Variants in ANKDD1B observed in about 807,000 individuals in gnomAD.
ANKDD1B encodes the protein ankyrin repeat and death domain-containing protein 1B.
A neutral mutation model predicts 59.7 loss-of-function variants in ANKDD1B; 57 were observed. The ratio of observed to expected loss-of-function variants is 0.95; its 90% confidence interval spans 0.77 to 1.19. ANKDD1B has a LOEUF of 1.19. ANKDD1B is among the 50% of genes most tolerant of loss of function. The pLI, the probability that ANKDD1B is intolerant of heterozygous loss-of-function variation, is 0.00. For missense variants in ANKDD1B, 602 were observed against 641.9 expected (o/e 0.94, Z 0.67); for synonymous variants, 216 against 239.5 (o/e 0.90, Z 0.91).
At chr5:75,618,584 T>A (rs1773770939) in intron 2 of ANKDD1B, among the ~76,000 whole-genome samples, 2 of 152,220 alleles carry the variant, frequency 1.3e-5, no homozygotes, top group South Asian at 4.1e-4. Context: ...ATGGAGATTT[T>A]AAAAATATAA....
intron 7 of ANKDD1B, among the ~76,000 whole-genome samples, chr5:75,636,966 G>A (rs1473352261): frequency 6.6e-6 from 1 of 151,992 alleles, no homozygotes; most frequent in East Asian, 1.9e-4. Flanking sequence ...TGGTTCTGGA[G>A]CCGGGTGCGC....
At chr5:75,635,639 A>T (rs1163507481) in intron 6 of ANKDD1B, 145 bp from the exon 7 acceptor site, 2 of 421,330 alleles carry the variant, frequency 4.7e-6, no homozygotes, top group African/African-American at 4.1e-5. Flanking sequence ...AATTTCACTT[A>T]AAACTGCAGA....
chr5:75,660,605 C>T (rs1037965903), intron 10 of ANKDD1B, among the ~76,000 whole-genome samples: 8 of 152,164 alleles, frequency 5.3e-5, no homozygotes, highest in South Asian at 2.1e-4. Flanking sequence ...GCTAAGCCTC[C>T]GGAGGGTTGT....
intron 5 of ANKDD1B, among the ~76,000 whole-genome samples, chr5:75,630,868 A>G (rs1389129915): frequency 6.6e-6 from 1 of 152,230 alleles, no homozygotes; most frequent in Admixed American, 6.5e-5. Context: ...ATAGTAGGAA[A>G]GATAGCTGTT....
At chr5:75,650,468 G>A (rs181903189) in intron 7 of ANKDD1B, among the ~76,000 whole-genome samples, 149 of 152,296 alleles carry the variant, frequency 9.8e-4, no homozygotes, top group African/African-American at 3.2e-3. Context: ...ATAGGTCTGC[G>A]AACTTCTTTT....
rs763418858 is a variant in ANKDD1B, at chr5:75,624,231, AC to A, written c.397-1415del. Among the ~76,000 whole-genome samples, 6 of 152,230 alleles carry A rather than the reference AC, an allele frequency of 3.9e-5. No individual in the cohort carries two copies. The East Asian group carries it at 9.6e-4, about 24-fold the overall frequency. On this transcript the variant is annotated intron_variant, in intron 3 of 13. Coordinates refer to ENST00000601380, the MANE Select transcript of ANKDD1B (RefSeq NM_001276713.2). ...AAGGAAGCTGAAGCTGAGAGTTAGA[AC>A]TAAGTTCACCAAGATCCCCGTACTT... is the stretch of plus-strand genomic sequence containing the variant.
intron 2 of ANKDD1B, 64 bp downstream of exon 2, chr5:75,616,971 A>G: frequency 4.5e-6 from 3 of 665,162 alleles, no homozygotes; most frequent in South Asian, 4.4e-5. Context: ...TACACAGGAC[A>G]TCTGAAATAA....
intron 7 of ANKDD1B, among the ~76,000 whole-genome samples, chr5:75,648,261 AAAAATT>A (rs1342535725): frequency 9.7e-5 from 1 of 10,262 alleles, no homozygotes; most frequent in African/African-American, 1.9e-4. Context: ...ATTAAAAAAA[AAAAATT>A]AAAAAAAAAA....
intron 3 of ANKDD1B, 53 bp from the exon 4 acceptor site, chr5:75,625,594 T>A (rs1773969380): frequency 1.3e-5 from 18 of 1,416,926 alleles, no homozygotes; most frequent in Non-Finnish European, 1.7e-5. Flanking sequence ...AGGCAGTATA[T>A]GGCTGCAGCT....
Position 75,627,057 on chromosome 5 carries a change from A to G in ANKDD1B, c.600+1102A>G, listed in dbSNP as rs529911334. ...AGAAGTATTTCTTCAAATTAGGTCTATAAACTTCTTTGACTTCCTCTACAT... is the reference window on the plus strand; with the variant it reads ...AGAAGTATTTCTTCAAATTAGGTCTGTAAACTTCTTTGACTTCCTCTACAT... On this transcript the variant is annotated intron_variant, in intron 5 of 13. Transcript: ENST00000601380. Among the ~76,000 whole-genome samples, 7 of 152,324 alleles carry G rather than the reference A, an allele frequency of 4.6e-5. No homozygotes were observed. In the South Asian group the frequency reaches 8.3e-4, roughly 18 times the overall value.
chr5:75,612,323 C>CGCCCTCCG (rs1205767288), intron 1 of ANKDD1B, among the ~76,000 whole-genome samples: 1 of 89,958 alleles, frequency 1.1e-5, no homozygotes, highest in Non-Finnish European at 2.5e-5. Context: ...CCCCCGCCCC[C>CGCCCTCCG]CCCCGCCCTC....
intron 1 of ANKDD1B, 22 bp from the exon 2 acceptor site, chr5:75,616,782 T>C: frequency 7.9e-7 from 1 of 1,258,268 alleles, no homozygotes; most frequent in Non-Finnish European, 1.1e-6. Context: ...CCCTCAGTCA[T>C]GCTTGCTTTG....
Position 75,635,885 on chromosome 5 carries a change from A to G in ANKDD1B, c.798+3A>G. 1.3e-6 allele frequency: 2 copies of G among 1,513,630 alleles called. No individual in the cohort carries two copies. Among genetic ancestry groups the G allele is most frequent in the Non-Finnish European group, 1.8e-6 (2 of 1,127,908 alleles). 93.8% of individuals were successfully genotyped at this position (1,513,630 alleles called of 1,614,324 possible). A position where few individuals can be genotyped will look rare whatever the true frequency, so the allele number is the denominator to read the frequency against. ...AAGACATAAATGAGATGAATGAGGT[A>G]TGTGGAAGTGCTCGTTATTGCCATA... On this transcript the variant is annotated splice_donor_region_variant and intron_variant, in intron 7 of 13. Coordinates refer to ENST00000601380, the MANE Select transcript of ANKDD1B (RefSeq NM_001276713.2).
intron 10 of ANKDD1B, among the ~76,000 whole-genome samples, chr5:75,661,415 A>AAAAAAAAAAAAG (rs1561450258): frequency 1.2e-4 from 17 of 138,406 alleles, no homozygotes; most frequent in East Asian, 8.2e-4. Context: ...AAAAAAAAAA[A>AAAAAAAAAAAAG]AAAAAAAAAA....
chr5:75,635,803 A>G lies in ANKDD1B; in HGVS notation c.719A>G (p.His240Arg). 2.6e-6 allele frequency: 4 copies of G among 1,533,132 alleles called. No individual in the cohort carries two copies. Among genetic ancestry groups the G allele is most frequent in the Non-Finnish European group, 3.5e-6 (4 of 1,144,634 alleles). 95.0% of individuals were successfully genotyped at this position (1,533,132 alleles called of 1,614,324 possible). The change falls in exon 7 of 14, where the codon CAC becomes CGC. Residue 240 changes from histidine (H) to arginine (R), a missense_variant. Transcript: ENST00000601380. ...EKDKGGNTAL[H>R]LAAKHGHSPA... ...TTGCAGGGGGGAAACACTGCCTTGCACCTCGCTGCGAAGCATGGTCACAGT... is the reference window on the plus strand; with the variant it reads ...TTGCAGGGGGGAAACACTGCCTTGCGCCTCGCTGCGAAGCATGGTCACAGT...
intron 2 of ANKDD1B, 89 bp from the exon 3 acceptor site, chr5:75,620,225 GA>G: frequency 1.6e-6 from 1 of 612,234 alleles, no homozygotes. Flanking sequence ...AGAAACACTT[GA>G]TAGAAAAGTG....
chr5:75,619,145 AAT>A (rs2112955976), intron 2 of ANKDD1B, among the ~76,000 whole-genome samples: 1 of 152,344 alleles, frequency 6.6e-6, no homozygotes, highest in Admixed American at 6.5e-5. Context: ...AACCTTGACA[AAT>A]AGAGCTGGGG....
chr5:75,618,002 G>A (rs1386660126), intron 2 of ANKDD1B, among the ~76,000 whole-genome samples: 2 of 151,856 alleles, frequency 1.3e-5, no homozygotes, highest in African/African-American at 4.8e-5. Flanking sequence ...TGTGTATAAT[G>A]TGTGTGTGTG....
intron 9 of ANKDD1B, among the ~76,000 whole-genome samples, chr5:75,656,522 T>C (rs1774980388): frequency 6.6e-6 from 1 of 152,210 alleles, no homozygotes; most frequent in Admixed American, 6.5e-5. Context: ...TTAAAGACAG[T>C]AAATGTATCT....
Sources: allele counts gnomAD v4.1 joint callset (sites outside exome capture counted in the v4.1 genomes callset), GRCh38; gene constraint gnomAD v4.1.1; transcripts MANE v1.5; gene names NCBI Gene and HGNC (gene_info 2026-07-23, HGNC 2026-07-21).